Variants in HSPG2 observed in about 807,000 individuals in gnomAD.
HSPG2 encodes heparan sulfate proteoglycan 2, also known as basement membrane-specific heparan sulfate proteoglycan core protein.
Under a neutral mutation model 526.6 loss-of-function variants are expected in HSPG2, and 278 were observed. The observed-to-expected ratio is 0.53, with a 90% confidence interval of 0.48 to 0.58. HSPG2 has a LOEUF of 0.58. Among genes scored for constraint, HSPG2 ranks in the 20% least tolerant of loss-of-function variants. The pLI, the probability that HSPG2 is intolerant of heterozygous loss-of-function variation, is 0.00. For synonymous variants in HSPG2, 2,465 were observed against 2,555.4 expected (o/e 0.96, Z 1.07); for missense variants, 5,354 against 6,099.5 (o/e 0.88, Z 4.07).
intron 1 of HSPG2, among the ~76,000 whole-genome samples, chr1:21,903,823 C>T (rs1643225561): frequency 6.6e-6 from 1 of 152,066 alleles, no homozygotes; most frequent in African/African-American, 2.4e-5. Flanking sequence ...GGGGTGGGCA[C>T]CCAACCCGGT....
At chr1:21,937,078 CG>C in intron 1 of HSPG2, 76 bp downstream of exon 1, 1 of 508,306 alleles carries the variant, frequency 2.0e-6, no homozygotes, top group East Asian at 1.1e-4. Flanking sequence ...GCCAAGTTGG[CG>C]GGAGGCGGCG....
At chr1:21,831,377 C>A in intron 83 of HSPG2, 53 bp from the exon 84 acceptor site, 1 of 1,602,772 alleles carries the variant, frequency 6.2e-7, no homozygotes, top group Non-Finnish European at 8.5e-7. Flanking sequence ...CAGCCCATAC[C>A]CTGAGGTGCC....
intron 1 of HSPG2, chr1:21,908,689 G>T: frequency 5.8e-5 from 25 of 430,208 alleles, no homozygotes; most frequent in Admixed American, 2.0e-4. Flanking sequence ...TGCTTAATGA[G>T]TTTGAAAGCC....
intron 65 of HSPG2, among the ~76,000 whole-genome samples, chr1:21,843,689 C>T (rs780911765): frequency 1.3e-5 from 2 of 152,110 alleles, no homozygotes; most frequent in Non-Finnish European, 2.9e-5. Context: ...CTCTGTCATC[C>T]AGGCTGGAGT....
chr1:21,902,476 G>A (rs996597913), intron 1 of HSPG2, among the ~76,000 whole-genome samples: 2 of 152,222 alleles, frequency 1.3e-5, no homozygotes, highest in Non-Finnish European at 2.9e-5. Flanking sequence ...AGACACTGGA[G>A]GCACACTCAT....
At chr1:21,830,900 T>G in intron 85 of HSPG2, 82 bp downstream of exon 85, 23 of 894,704 alleles carry the variant, frequency 2.6e-5, no homozygotes, top group Non-Finnish European at 3.9e-5. Flanking sequence ...CCCCAGTGGT[T>G]GAGATGGTGG....
At position 21,847,749 on chromosome 1, in the gene HSPG2, C is replaced by G; in HGVS notation, c.7965G>C (p.Arg2655Ser). ...ACCATGTGATGATAGCCTGGGGCTG[C>G]CTGGCGACCACGCAGTTCAGATCCA... ...QTLDLNCVVA[R>S]QPQAIITWYK... Residue 2655 changes from arginine to serine, a missense_variant, in exon 61 of 97, where the codon AGG becomes AGC. Coordinates refer to ENST00000374695, the MANE Select transcript of HSPG2 (RefSeq NM_005529.7). The surrounding 1 kb of genome is among the most constrained non-coding windows in gnomAD (Gnocchi z 4.1). The G allele has an allele frequency of 6.2e-7, 1 of 1,612,970 alleles. No individual in the cohort carries two copies. Among genetic ancestry groups the G allele is most frequent in the Non-Finnish European group, 8.5e-7 (1 of 1,179,688 alleles).
rs372787835 is a variant in HSPG2, at chr1:21,829,013, C to T, written c.12059G>A (p.Arg4020His). 13 of 1,560,904 alleles carry T rather than the reference C, an allele frequency of 8.3e-6. No homozygotes were observed. The highest frequency in any genetic ancestry group is 4.8e-5 in the East Asian group (2 of 41,826). Reference sequence around the variant, plus strand: ...CCGCAGGCTGCCGTCCTTGTTGAGACGCTCTGCAGACACACGGTGCCAGCG... The same window carrying T: ...CCGCAGGCTGCCGTCCTTGTTGAGATGCTCTGCAGACACACGGTGCCAGCG... ...LGRWHRVSAE[R>H]LNKDGSLRVN... The change falls in exon 88 of 97, where the codon CGT becomes CAT. Residue 4020 changes from arginine (R) to histidine (H), a missense_variant. Transcript: ENST00000374695.
chr1:21,885,503 G>C, intron 9 of HSPG2, 52 bp from the exon 10 acceptor site: 1 of 1,608,290 alleles, frequency 6.2e-7, no homozygotes, highest in Non-Finnish European at 8.5e-7. Flanking sequence ...CATCCTCCCT[G>C]GGCATCCCCA....
chr1:21,931,382 A>C (rs1644345615), intron 1 of HSPG2, among the ~76,000 whole-genome samples: 1 of 152,230 alleles, frequency 6.6e-6, no homozygotes, highest in African/African-American at 2.4e-5. Flanking sequence ...TGGCAGGGCC[A>C]AAGAGGCCAA....
At chr1:21,878,861 T>C in intron 18 of HSPG2, 133 bp downstream of exon 18, 1 of 1,283,726 alleles carries the variant, frequency 7.8e-7, no homozygotes, top group Non-Finnish European at 1.1e-6. Context: ...CCTAGAGAGG[T>C]CCAGGAGCAT....
Position 21,839,617 on chromosome 1 carries a change from T to C in HSPG2, c.9710-67A>G, listed in dbSNP as rs145747131. The C allele has an allele frequency of 9.9e-3, 15,525 of 1,571,396 alleles. 94 individuals are homozygous for C. The highest frequency in any genetic ancestry group is 0.012 in the Non-Finnish European group (13,651 of 1,150,280). ...CTCAGGGACCCGCAGAGGGTGGCCA[T>C]GGTGAGGAAGGGCCCTGGGTGATCC... On this transcript the variant is annotated intron_variant, in intron 72 of 96. Coordinates refer to ENST00000374695, the MANE Select transcript of HSPG2 (RefSeq NM_005529.7). The surrounding 1 kb of genome is among the most constrained non-coding windows in gnomAD (Gnocchi z 4.5).
rs1205974919 is a variant in HSPG2, at chr1:21,833,390, A to G, written c.10979-6T>C. ...GAAGTAGGGCACCACCCGCTCTGCC[A>G]GCAGAGAGCACAGCTGAAGACCCTG... On this transcript the variant is annotated splice_polypyrimidine_tract_variant and splice_region_variant and intron_variant, in intron 79 of 96. Coordinates refer to ENST00000374695, the MANE Select transcript of HSPG2 (RefSeq NM_005529.7). The G allele has an allele frequency of 1.2e-6, 2 of 1,614,018 alleles. No homozygotes were observed. Among genetic ancestry groups the G allele is most frequent in the East Asian group, 2.2e-5 (1 of 44,878 alleles).
At position 21,855,596 on chromosome 1, in the gene HSPG2, A is replaced by G. The variant is rs992390038; in HGVS notation, c.5781T>C (p.Asp1927=). ...GGGCTCGGCACAAGTACTGGGCCTGATCCGTGGGCTCGACAGCTGGCAGGC... is the reference window on the plus strand; with the variant it reads ...GGGCTCGGCACAAGTACTGGGCCTGGTCCGTGGGCTCGACAGCTGGCAGGC... The part of the protein sequence containing the change: ...ILRLPAVEPT[D]QAQYLCRAHS... The change falls in exon 46 of 97, where the codon GAT becomes GAC. Residue 1927 remains aspartate, a synonymous_variant. Coordinates refer to ENST00000374695, the MANE Select transcript of HSPG2 (RefSeq NM_005529.7). The G allele has an allele frequency of 8.2e-6, 13 of 1,587,532 alleles. No individual in the cohort carries two copies. Among genetic ancestry groups the G allele is most frequent in the Admixed American group, 1.8e-5 (1 of 56,220 alleles).
chr1:21,896,066 G>C, intron 2 of HSPG2, 100 bp from the exon 3 acceptor site: 14 of 1,596,546 alleles, frequency 8.8e-6, no homozygotes, highest in Non-Finnish European at 1.1e-5. Context: ...CAGTGGGACA[G>C]GGTTGAGAAA....
At position 21,900,091 on chromosome 1, in the gene HSPG2, G is replaced by A. The variant is rs1195674112; in HGVS notation, c.64-3781C>T. Among the ~76,000 whole-genome samples the A allele has an allele frequency of 3.9e-5, 6 of 152,234 alleles. No individual in the cohort carries two copies. The East Asian group carries it at 9.6e-4, about 24-fold the overall frequency. On this transcript the variant is annotated intron_variant, in intron 1 of 96. Coordinates refer to ENST00000374695, the MANE Select transcript of HSPG2 (RefSeq NM_005529.7). ...TTTCCTGCCCTCCAGCCCGTCTCCGGCGGTGAGGGAGCCCGGCTTCCTCCC... is the reference window on the plus strand; with the variant it reads ...TTTCCTGCCCTCCAGCCCGTCTCCGACGGTGAGGGAGCCCGGCTTCCTCCC...
At chr1:21,841,803 C>T (rs560468913) in intron 69 of HSPG2, 130 bp from the exon 70 acceptor site, 89 of 1,345,110 alleles carry the variant, frequency 6.6e-5, no homozygotes, top group African/African-American at 1.2e-4. Context: ...CTCATGGAGT[C>T]GCAGATAGCA....
chr1:21,873,028 T>C lies in HSPG2; in HGVS notation c.3857A>G (p.Gln1286Arg), dbSNP rs199788526. ...CTGGCACTGACCAGCAGCATCACAC[T>C]GGCTGCTGACGCTGCCTTGGGGGTC... is the stretch of plus-strand genomic sequence containing the variant. ...NCDPQGSVSSQCDAAGQCQCK... is the reference protein window; with the variant it reads ...NCDPQGSVSSRCDAAGQCQCK... The change falls in exon 31 of 97, where the codon CAG (glutamine) becomes CGG (arginine). Residue 1286 changes from glutamine to arginine, a missense_variant. Transcript: ENST00000374695. 107 of 1,608,352 alleles carry C rather than the reference T, an allele frequency of 6.7e-5. No homozygotes were observed. Among genetic ancestry groups the C allele is most frequent in the Admixed American group, 2.0e-4 (12 of 60,014 alleles).
chr1:21,921,307 G>A (rs1644032320), intron 1 of HSPG2, among the ~76,000 whole-genome samples: 1 of 152,146 alleles, frequency 6.6e-6, no homozygotes, highest in African/African-American at 2.4e-5. Context: ...TGGGAGAGGA[G>A]GAGTGCAGGA....
Sources: gnomAD v4.1 joint callset for allele counts (sites outside exome capture counted in the v4.1 genomes callset) on GRCh38, gnomAD v4.1.1 for gene constraint, Gnocchi (gnomAD v3.1) non-coding constraint, MANE v1.5 for transcripts, NCBI Gene and HGNC (gene_info 2026-07-23, HGNC 2026-07-21) for gene names.